Variants in GLT1D1 observed in about 807,000 individuals in gnomAD.
GLT1D1 encodes glycosyltransferase 1 domain containing 1, also known as glycosyltransferase 1 domain-containing protein 1.
A neutral mutation model predicts 28.7 loss-of-function variants in GLT1D1; 21 were observed. The ratio of observed to expected loss-of-function variants is 0.73; its 90% CI spans 0.52 to 1.05. GLT1D1 has a LOEUF of 1.05. Ranked by LOEUF, GLT1D1 falls within the 50% of genes least tolerant of loss-of-function variation. The pLI is 0.00. For synonymous variants in GLT1D1, 147 were observed against 124.8 expected (o/e 1.18, Z -1.19); for missense variants, 343 against 330.6 (o/e 1.04, Z -0.29).
chr12:128,927,855 C>A (rs1873393219), intron 4 of GLT1D1, among the ~76,000 whole-genome samples: 1 of 151,040 alleles, frequency 6.6e-6, no homozygotes, highest in South Asian at 2.1e-4. Flanking sequence ...CAAAATTTAG[C>A]TGGGCATCGT....
intron 1 of GLT1D1, among the ~76,000 whole-genome samples, chr12:128,874,059 C>CCTTCCTTTCTTTCTTT (rs1956775384): frequency 2.9e-5 from 1 of 34,694 alleles, no homozygotes; most frequent in African/African-American, 1.5e-4. Context: ...CTCCCTCCCT[C>CCTTCCTTTCTTTCTTT]CTTTCTTTCT....
chr12:128,901,757 A>AT (rs990994656), intron 4 of GLT1D1, among the ~76,000 whole-genome samples: 44 of 147,528 alleles, frequency 3.0e-4, no homozygotes, highest in Non-Finnish European at 5.7e-4. Context: ...TATTATTATT[A>AT]TTTTTTTTGA....
intron 7 of GLT1D1, among the ~76,000 whole-genome samples, chr12:128,970,447 GCCT>G: frequency 6.6e-6 from 1 of 152,340 alleles, no homozygotes; most frequent in South Asian, 2.1e-4. Flanking sequence ...TGTTCCAGCA[GCCT>G]CCTCCTTCCA....
chr12:128,909,101 A>G (rs61945027), intron 4 of GLT1D1, among the ~76,000 whole-genome samples: 34,494 of 152,166 alleles, frequency 0.23, 4,899 homozygotes, highest in Non-Finnish European at 0.32. Flanking sequence ...CTTCTTCCTC[A>G]TATTCCAGAA....
rs1334788364 is a variant in GLT1D1 at position 128,855,279 on chromosome 12, C to T, written c.68+1630C>T. On this transcript the variant is annotated intron_variant, in intron 1 of 7. Transcript: ENST00000281703. ...AACAAAAAAAACAAAAAACCTAGGG[C>T]AGGCTTTCATGGCGGCTCAAGCCTG... is the stretch of plus-strand genomic sequence containing the variant. Among the ~76,000 whole-genome samples the T allele has an allele frequency of 1.1e-4, 16 of 148,794 alleles. No individual in the cohort carries two copies. In the East Asian group the frequency reaches 1.2e-3, roughly 11 times the overall value.
intron 7 of GLT1D1, among the ~76,000 whole-genome samples, chr12:128,971,013 T>C (rs1878986497): frequency 6.6e-6 from 1 of 152,216 alleles, no homozygotes; most frequent in Admixed American, 6.5e-5. Flanking sequence ...TTTCATCTGA[T>C]AGTGAGCGAT....
intron 4 of GLT1D1, among the ~76,000 whole-genome samples, chr12:128,924,285 G>A (rs1006671903): frequency 6.6e-6 from 1 of 151,834 alleles, no homozygotes; most frequent in Non-Finnish European, 1.5e-5. Flanking sequence ...AAAGTAGCTC[G>A]GGGTGGTGGT....
chr12:128,954,129 G>GT (rs1408142893), intron 6 of GLT1D1, among the ~76,000 whole-genome samples: 2 of 146,296 alleles, frequency 1.4e-5, no homozygotes, highest in Non-Finnish European at 3.0e-5. Flanking sequence ...TTTTGTTTTT[G>GT]TTTTTGTTTT....
chr12:128,861,510 G>C (rs530758203), intron 1 of GLT1D1, among the ~76,000 whole-genome samples: 1 of 152,160 alleles, frequency 6.6e-6, no homozygotes, highest in Non-Finnish European at 1.5e-5. Flanking sequence ...GGTCCTCCTC[G>C]GCCCAGAGCA....
At position 128,957,599 on chromosome 12, in the gene GLT1D1, G is replaced by A. The variant is rs772889713; in HGVS notation, c.595G>A (p.Val199Met). 1.7e-5 allele frequency: 28 copies of A among 1,613,768 alleles called. No homozygotes were observed. The highest frequency in any genetic ancestry group is 6.7e-5 in the Admixed American group (4 of 59,996). Residue 199 changes from valine (V) to methionine (M), a missense_variant, in exon 7 of 8, where the codon GTG becomes ATG. Physicochemically the swap from Val to Met is conservative, Grantham distance 21 (BLOSUM62 1). Transcript: ENST00000281703. ...CAGGAACATCCCCGGGAATGCTGCC[G>A]TGGTGAAGCATGAAGTCACAGGGCT...
At chr12:128,891,557 C>T (rs1182867184) in intron 3 of GLT1D1, among the ~76,000 whole-genome samples, 1 of 152,180 alleles carries the variant, frequency 6.6e-6, no homozygotes, top group African/African-American at 2.4e-5. Context: ...TGTGGCTCAC[C>T]TCATGGCTGG....
intron 7 of GLT1D1, among the ~76,000 whole-genome samples, chr12:128,976,832 G>A (rs905923951): frequency 5.3e-5 from 8 of 152,082 alleles, no homozygotes; most frequent in African/African-American, 1.9e-4. Context: ...ATTGTAATGA[G>A]GTTCTAATAT....
chr12:128,964,404 C>T (rs1277989366), intron 7 of GLT1D1, among the ~76,000 whole-genome samples: 2 of 152,174 alleles, frequency 1.3e-5, no homozygotes, highest in African/African-American at 4.8e-5. Context: ...AGACACCAAT[C>T]TTTCCATCCT....
chr12:128,907,822 G>A (rs1871043429), intron 4 of GLT1D1, among the ~76,000 whole-genome samples: 1 of 152,066 alleles, frequency 6.6e-6, no homozygotes, highest in South Asian at 2.1e-4. Flanking sequence ...CATGACCCGG[G>A]GCTCAAATGT....
intron 2 of GLT1D1, among the ~76,000 whole-genome samples, chr12:128,884,995 T>C (rs1411222595): frequency 6.6e-6 from 1 of 150,522 alleles, no homozygotes. Context: ...GGTGGAGCAA[T>C]CCTCCTGCCT....
Position 128,984,368 on chromosome 12 carries a change from TA to T in GLT1D1, c.*1282del, listed in dbSNP as rs2135566757. On this transcript the variant is annotated 3_prime_UTR_variant, in exon 8 of 8. Coordinates refer to ENST00000281703, the MANE Select transcript of GLT1D1 (RefSeq NM_144669.3). ...AATGGCACAACCTACATCTTGTTTT[TA>T]AAAGAAGTAGCCTCAAATTAAACTC... 1 of 152,234 alleles carries T rather than the reference TA, an allele frequency of 6.6e-6. No homozygotes were observed. Among genetic ancestry groups the T allele is most frequent in the African/African-American group, 2.4e-5 (1 of 41,528 alleles). The allele number at this position is 152,234 out of a possible 1,614,324, so 9.4% of individuals were successfully genotyped here.
chr12:128,892,068 G>A (rs908855927), intron 3 of GLT1D1, among the ~76,000 whole-genome samples: 1 of 152,194 alleles, frequency 6.6e-6, no homozygotes, highest in African/African-American at 2.4e-5. Context: ...TCACTGGTAG[G>A]TGACAGACAA....
At chr12:128,931,917 G>GCACGCACACACACACACA (rs1368012620) in intron 4 of GLT1D1, among the ~76,000 whole-genome samples, 29 of 141,104 alleles carry the variant, frequency 2.1e-4, no homozygotes, top group African/African-American at 7.2e-4. Context: ...ACACACGCAC[G>GCACGCACACACACACACA]CACACACACA....
chr12:128,921,385 G>A (rs1385173023), intron 4 of GLT1D1, among the ~76,000 whole-genome samples: 7 of 152,108 alleles, frequency 4.6e-5, no homozygotes, highest in African/African-American at 1.7e-4. Flanking sequence ...AATGAATTGA[G>A]TAAGTTAGGG....
Sources: gnomAD v4.1 joint callset for allele counts (sites outside exome capture counted in the v4.1 genomes callset) on GRCh38, gnomAD v4.1.1 for gene constraint, MANE v1.5 for transcripts, NCBI Gene and HGNC (gene_info 2026-07-23, HGNC 2026-07-21) for gene names.